PTCSC3: variants seen among roughly 807,000 people sequenced by gnomAD.
PTCSC3 encodes papillary thyroid carcinoma susceptibility candidate 3 (non-protein coding).
At chr14:36,154,368 T>G (rs1380068048) in intron 2 of PTCSC3, among the ~76,000 whole-genome samples, 1 of 152,176 alleles carries the variant, frequency 6.6e-6, no homozygotes, top group African/African-American at 2.4e-5. Context: ...TAATAATACG[T>G]ACCCTCCAAA....
chr14:36,175,178 C>T (rs1200635314), intron 1 of PTCSC3, among the ~76,000 whole-genome samples: 1 of 152,178 alleles, frequency 6.6e-6, no homozygotes, highest in Non-Finnish European at 1.5e-5. Context: ...CTCAACAGGA[C>T]TGCCATGCTC....
At chr14:36,142,101 T>C (rs1001821880) in intron 3 of PTCSC3, among the ~76,000 whole-genome samples, 1 of 152,198 alleles carries the variant, frequency 6.6e-6, no homozygotes, top group Non-Finnish European at 1.5e-5. Flanking sequence ...TTTCATTCCT[T>C]ATCTTAGGCA....
intron 3 of PTCSC3, among the ~76,000 whole-genome samples, chr14:36,148,287 T>C (rs950264016): frequency 6.6e-6 from 1 of 152,150 alleles, no homozygotes; most frequent in Non-Finnish European, 1.5e-5. Flanking sequence ...CAGTTTGATC[T>C]CAGACTGCTG....
At chr14:36,169,359 G>C (rs897444858) in intron 1 of PTCSC3, among the ~76,000 whole-genome samples, 7 of 152,052 alleles carry the variant, frequency 4.6e-5, no homozygotes, top group Admixed American at 3.9e-4. Flanking sequence ...ACCATTATTC[G>C]TGGTGTCTCA....
intron 3 of PTCSC3, among the ~76,000 whole-genome samples, chr14:36,153,300 T>G (rs561613245): frequency 1.3e-5 from 2 of 152,350 alleles, no homozygotes; most frequent in South Asian, 4.1e-4. Flanking sequence ...ATTTCACATA[T>G]AAATTTTGGC....
intron 2 of PTCSC3, among the ~76,000 whole-genome samples, chr14:36,160,323 G>T (rs557743909): frequency 6.6e-6 from 1 of 152,112 alleles, no homozygotes; most frequent in Non-Finnish European, 1.5e-5. Context: ...TCATAGTGTC[G>T]ATGGTCTTTA....
intron 3 of PTCSC3, among the ~76,000 whole-genome samples, chr14:36,141,202 G>T (rs1181657179): frequency 6.6e-6 from 1 of 152,016 alleles, no homozygotes; most frequent in Non-Finnish European, 1.5e-5. Context: ...CTTTGATATT[G>T]TATTGGCTCT....
intron 2 of PTCSC3, among the ~76,000 whole-genome samples, chr14:36,154,489 T>G (rs929127494): frequency 1.3e-5 from 2 of 152,214 alleles, no homozygotes; most frequent in Non-Finnish European, 2.9e-5. Context: ...TTTTCAAATT[T>G]ACTTCAATGA....
intron 2 of PTCSC3, among the ~76,000 whole-genome samples, chr14:36,161,788 G>A (rs1052524481): frequency 6.6e-6 from 1 of 152,164 alleles, no homozygotes; most frequent in Non-Finnish European, 1.5e-5. Context: ...GAGCCATCAG[G>A]TAGGCACATT....
chr14:36,148,098 A>G (rs372308880), intron 3 of PTCSC3, among the ~76,000 whole-genome samples: 20 of 152,042 alleles, frequency 1.3e-4, no homozygotes, highest in African/African-American at 3.6e-4. Context: ...AGTCTGCAGA[A>G]GTTACTGCTG....
chr14:36,170,838 C>T (rs769104109), intron 1 of PTCSC3, among the ~76,000 whole-genome samples: 2 of 152,190 alleles, frequency 1.3e-5, no homozygotes, highest in East Asian at 3.9e-4. Context: ...GTGTCCCAGA[C>T]CCTGGGCGGT....
intron 3 of PTCSC3, among the ~76,000 whole-genome samples, chr14:36,145,678 T>C (rs1322894619): frequency 1.1e-5 from 1 of 89,778 alleles, no homozygotes; most frequent in African/African-American, 3.7e-5. Context: ...CTGCTCTGAT[T>C]TTAGTTATTT....
At chr14:36,156,069 A>C (rs1260087545) in intron 2 of PTCSC3, among the ~76,000 whole-genome samples, 1 of 152,144 alleles carries the variant, frequency 6.6e-6, no homozygotes, top group Non-Finnish European at 1.5e-5. Context: ...GTGTTCTGTA[A>C]AATGTCACAT....
chr14:36,141,046 T>C (rs1457004603), intron 3 of PTCSC3, among the ~76,000 whole-genome samples: 1 of 152,232 alleles, frequency 6.6e-6, no homozygotes, highest in Admixed American at 6.5e-5. Flanking sequence ...ACTGTATTTG[T>C]GTGAGTCTAT....
At chr14:36,145,164 G>A (rs540776645) in intron 3 of PTCSC3, among the ~76,000 whole-genome samples, 3 of 144,462 alleles carry the variant, frequency 2.1e-5, no homozygotes, top group Admixed American at 6.8e-5. Flanking sequence ...TCAGGATGAC[G>A]CTGGCCTCAT....
At chr14:36,161,627 A>G (rs923261231) in intron 2 of PTCSC3, among the ~76,000 whole-genome samples, 2 of 152,270 alleles carry the variant, frequency 1.3e-5, no homozygotes, top group Admixed American at 1.3e-4. Flanking sequence ...GCCAGATGCC[A>G]GCTGGAGCTC....
intron 3 of PTCSC3, among the ~76,000 whole-genome samples, chr14:36,145,351 C>A (rs1315057975): frequency 6.6e-6 from 1 of 151,418 alleles, no homozygotes. Flanking sequence ...TGTTATTGGT[C>A]TATTCAGAGA....
intron 3 of PTCSC3, among the ~76,000 whole-genome samples, chr14:36,147,996 C>A (rs1881626120): frequency 3.3e-5 from 5 of 152,252 alleles, no homozygotes; most frequent in Admixed American, 2.0e-4. Context: ...GTCAGGGACC[C>A]CCTTGAGGAG....
chr14:36,174,573 G>C (rs1440912903), intron 1 of PTCSC3, among the ~76,000 whole-genome samples: 1 of 152,136 alleles, frequency 6.6e-6, no homozygotes, highest in Non-Finnish European at 1.5e-5. Flanking sequence ...CTCTAAAAAT[G>C]GTTGTTTCAT....
Sources: gnomAD v4.1 joint callset for allele counts (sites outside exome capture counted in the v4.1 genomes callset) on GRCh38, gnomAD v4.1.1 for gene constraint, MANE v1.5 for transcripts, NCBI Gene and HGNC (gene_info 2026-07-23, HGNC 2026-07-21) for gene names.